The following DLGAP5 variants were observed in gnomAD, a reference collection of about 807,000 sequenced individuals.
DLGAP5 encodes DLG associated protein 5, also known as disks large-associated protein 5.
A neutral mutation model predicts 99.6 loss-of-function variants in DLGAP5; 90 were observed. That is an observed-to-expected ratio of 0.90 (90% CI 0.76 to 1.08). The LOEUF (loss-of-function observed/expected upper bound fraction) is 1.08. Among genes scored for constraint, DLGAP5 ranks in the 50% least tolerant of loss-of-function variants. The pLI is 0.00. For missense variants in DLGAP5, 1,036 were observed against 983.5 expected (o/e 1.05, Z -0.71); for synonymous variants, 311 against 321.3 (o/e 0.97, Z 0.34).
intron 9 of DLGAP5, 82 bp downstream of exon 9, chr14:55,175,812 A>G (rs1883041299): frequency 8.2e-7 from 1 of 1,215,140 alleles, no homozygotes; most frequent in African/African-American, 1.5e-5. Flanking sequence ...AAAAGTAAAA[A>G]TGTAATTACT....
intron 2 of DLGAP5, among the ~76,000 whole-genome samples, chr14:55,185,088 A>G (rs1246376887): frequency 1.3e-5 from 2 of 152,188 alleles, no homozygotes; most frequent in African/African-American, 4.8e-5. Flanking sequence ...ATGAAGTTAC[A>G]AGCATGCGGT....
intron 1 of DLGAP5, among the ~76,000 whole-genome samples, chr14:55,190,082 A>G (rs1471678415): frequency 6.6e-6 from 1 of 152,194 alleles, no homozygotes; most frequent in African/African-American, 2.4e-5. Context: ...ACAAGACCAA[A>G]TATATAGTTC....
intron 12 of DLGAP5, among the ~76,000 whole-genome samples, chr14:55,163,886 T>C (rs1691019654): frequency 6.6e-6 from 1 of 152,250 alleles, no homozygotes; most frequent in Non-Finnish European, 1.5e-5. Flanking sequence ...CGTTTCCTTC[T>C]TGCTGGGTTT....
chr14:55,161,666 G>A (rs1311789861), intron 13 of DLGAP5, among the ~76,000 whole-genome samples: 2 of 150,616 alleles, frequency 1.3e-5, no homozygotes, highest in East Asian at 2.0e-4. Flanking sequence ...CGCCTCAGCC[G>A]CCCAAAGTGC....
Position 55,177,229 on chromosome 14 carries a change from A to G in DLGAP5, c.882T>C (p.Pro294=), listed in dbSNP as rs771391193. The change falls in exon 8 of 19, where the codon CCT becomes CCC. Residue 294 remains proline, a synonymous_variant. Transcript: ENST00000247191. ...CTTTTATTTTTGCAGTATTTATCTC[A>G]GGTAAGTTTTCCATTTTTGATAAGA... ...DGVLSKMENL[P]EINTAKIKGK... The G allele has an allele frequency of 3.6e-5, 58 of 1,613,312 alleles. No individual in the cohort carries two copies. The highest frequency in any genetic ancestry group is 4.7e-5 in the Non-Finnish European group (55 of 1,179,758).
intron 1 of DLGAP5, chr14:55,191,200 A>C (rs1883605344): frequency 6.6e-6 from 1 of 152,202 alleles, no homozygotes; most frequent in African/African-American, 2.4e-5. Context: ...CGGGAATTTA[A>C]TGTCGGAGCT....
At chr14:55,172,307 G>A (rs1882887589) in intron 10 of DLGAP5, among the ~76,000 whole-genome samples, 1 of 146,766 alleles carries the variant, frequency 6.8e-6, no homozygotes, top group South Asian at 2.2e-4. Flanking sequence ...GGGAAACATG[G>A]CGAAAACCAA....
rs746506146 is a variant in DLGAP5 at position 55,151,825 on chromosome 14, T to G, written c.2238A>C (p.Ser746=). ...DINTNKKEGI[S]DVVEGMELNS... ...TCAGTTCCATTCCTTCCACAACATCTGAAATTCCTTCTTTTTTGTTAGTAT... is the reference window on the plus strand; with the variant it reads ...TCAGTTCCATTCCTTCCACAACATCGGAAATTCCTTCTTTTTTGTTAGTAT... The change falls in exon 17 of 19, where the codon TCA becomes TCC. Residue 746 remains serine, a synonymous_variant. Coordinates refer to ENST00000247191, the MANE Select transcript of DLGAP5 (RefSeq NM_014750.5). The G allele has an allele frequency of 1.2e-6, 2 of 1,613,914 alleles. No individual in the cohort carries two copies. The highest frequency in any genetic ancestry group is 4.5e-5 in the East Asian group (2 of 44,844).
chr14:55,181,704 A>G (rs558809621), intron 4 of DLGAP5, among the ~76,000 whole-genome samples: 1 of 152,298 alleles, frequency 6.6e-6, no homozygotes, highest in Non-Finnish European at 1.5e-5. Context: ...AAAGGCTTTC[A>G]TCTCAGGGAG....
chr14:55,175,012 GA>G (rs982311283), intron 10 of DLGAP5, among the ~76,000 whole-genome samples: 2 of 151,850 alleles, frequency 1.3e-5, no homozygotes, highest in African/African-American at 4.8e-5. Flanking sequence ...TTTTAAAAAA[GA>G]AAAAAATGTA....
chr14:55,173,272 C>CAAAA (rs34893526), intron 10 of DLGAP5, among the ~76,000 whole-genome samples: 2 of 106,782 alleles, frequency 1.9e-5, no homozygotes, highest in African/African-American at 3.0e-5. Context: ...CCCGTCTCTA[C>CAAAA]AAAAAAAAAA....
At chr14:55,162,764 G>A (rs932623716) in intron 13 of DLGAP5, among the ~76,000 whole-genome samples, 4 of 151,808 alleles carry the variant, frequency 2.6e-5, no homozygotes, top group Non-Finnish European at 5.9e-5. Context: ...TATGTTGATC[G>A]ATTTCCTTGC....
chr14:55,159,142 G>T (rs1470190417), intron 13 of DLGAP5, among the ~76,000 whole-genome samples: 1 of 151,304 alleles, frequency 6.6e-6, no homozygotes, highest in Non-Finnish European at 1.5e-5. Flanking sequence ...CCAATCTTCA[G>T]GCATCAGGAA....
At chr14:55,188,897 A>C in intron 2 of DLGAP5, 45 bp downstream of exon 2, 2 of 1,471,114 alleles carry the variant, frequency 1.4e-6, no homozygotes, top group Non-Finnish European at 9.4e-7. Context: ...ACCAACTATT[A>C]TTCACTCTTC....
intron 2 of DLGAP5, among the ~76,000 whole-genome samples, chr14:55,184,554 C>G (rs1407673001): frequency 6.6e-6 from 1 of 152,188 alleles, no homozygotes; most frequent in Non-Finnish European, 1.5e-5. Flanking sequence ...ATAGGGCTGA[C>G]TTGTGTGACC....
chr14:55,188,112 TA>T (rs890405387), intron 2 of DLGAP5, among the ~76,000 whole-genome samples: 1 of 152,206 alleles, frequency 6.6e-6, no homozygotes, highest in African/African-American at 2.4e-5. Flanking sequence ...CTTTCTCAGA[TA>T]AAAAATGTTT....
intron 12 of DLGAP5, among the ~76,000 whole-genome samples, chr14:55,166,095 G>C (rs1047798088): frequency 1.3e-5 from 2 of 152,178 alleles, no homozygotes; most frequent in African/African-American, 4.8e-5. Context: ...ACTAAGATTT[G>C]TGTGGAAATA....
intron 4 of DLGAP5, 68 bp downstream of exon 4, chr14:55,182,302 A>C: frequency 7.6e-7 from 1 of 1,314,684 alleles, no homozygotes; most frequent in Non-Finnish European, 1.1e-6. Flanking sequence ...ACTAGATTTA[A>C]AATGAATTTA....
chr14:55,151,725 C>G lies in DLGAP5; in HGVS notation c.2338G>C (p.Glu780Gln). The G allele has an allele frequency of 4.3e-6, 7 of 1,613,554 alleles. No homozygotes were observed. The highest frequency in any genetic ancestry group is 5.9e-6 in the Non-Finnish European group (7 of 1,179,836). The change falls in exon 17 of 19, where the codon GAA (glutamate) becomes CAA (glutamine). Residue 780 changes from glutamate to glutamine, a missense_variant. By Grantham distance (29) the Glu-to-Gln change is conservative (BLOSUM62 2). Coordinates refer to ENST00000247191, the MANE Select transcript of DLGAP5 (RefSeq NM_014750.5). ...KNTASQNSIL[E>Q]EGETKISQSE... ...TGAGAAATTTTAGTTTCCCCTTCTTCTAAGATGCTATTTTGTGAAGCTGTA... is the reference window on the plus strand; with the variant it reads ...TGAGAAATTTTAGTTTCCCCTTCTTGTAAGATGCTATTTTGTGAAGCTGTA...
Sources: gnomAD v4.1 joint callset for allele counts (sites outside exome capture counted in the v4.1 genomes callset) on GRCh38, gnomAD v4.1.1 for gene constraint, MANE v1.5 for transcripts, NCBI Gene and HGNC (gene_info 2026-07-23, HGNC 2026-07-21) for gene names.